Variants in BORCS5 observed in about 807,000 individuals in gnomAD.
BORCS5 encodes the protein BLOC-1-related complex subunit 5.
BORCS5 carries 17 observed loss-of-function variants against 22.1 expected under a neutral mutation model. That is an observed-to-expected ratio of 0.77 (90% CI 0.53 to 1.15). BORCS5 has a LOEUF of 1.15. BORCS5 is among the 50% of genes most tolerant of loss of function. BORCS5 has a pLI of 0.00. For missense variants in BORCS5, 247 were observed against 253.2 expected (o/e 0.98, Z 0.17); for synonymous variants, 117 against 99.8 (o/e 1.17, Z -1.03).
chr12:12,401,507 A>T (rs1337116936), intron 2 of BORCS5, among the ~76,000 whole-genome samples: 1 of 152,066 alleles, frequency 6.6e-6, no homozygotes, highest in Non-Finnish European at 1.5e-5. Flanking sequence ...TGCCATATTT[A>T]TTTTTTTAAT....
intron 2 of BORCS5, among the ~76,000 whole-genome samples, chr12:12,431,400 A>ATTTTTTTTTT (rs371924998): frequency 9.1e-6 from 1 of 109,778 alleles, no homozygotes; most frequent in African/African-American, 3.6e-5. Flanking sequence ...TCTTTTGCTA[A>ATTTTTTTTTT]TTCTTTTTTT....
intron 2 of BORCS5, among the ~76,000 whole-genome samples, chr12:12,386,765 C>T (rs1311149179): frequency 3.3e-5 from 5 of 151,412 alleles, no homozygotes; most frequent in South Asian, 2.1e-4. Context: ...CCACCGTGCC[C>T]GGCCTTTGCT....
At chr12:12,436,876 C>T (rs902786986) in intron 3 of BORCS5, among the ~76,000 whole-genome samples, 18 of 152,090 alleles carry the variant, frequency 1.2e-4, no homozygotes, top group Non-Finnish European at 5.9e-5. Flanking sequence ...TTAAACATGA[C>T]CTTTGATATT....
At chr12:12,369,548 C>G (rs1013546165) in intron 2 of BORCS5, among the ~76,000 whole-genome samples, 2 of 151,668 alleles carry the variant, frequency 1.3e-5, no homozygotes, top group African/African-American at 4.8e-5. Context: ...AGTTTCTTTT[C>G]TGGCTCTTTA....
chr12:12,437,256 C>G (rs1942574548), intron 3 of BORCS5, among the ~76,000 whole-genome samples: 1 of 152,176 alleles, frequency 6.6e-6, no homozygotes, highest in African/African-American at 2.4e-5. Context: ...GGGGAGTTCC[C>G]CTACACAAGC....
intron 2 of BORCS5, among the ~76,000 whole-genome samples, chr12:12,424,075 C>T (rs1055762310): frequency 5.9e-5 from 9 of 152,040 alleles, no homozygotes; most frequent in African/African-American, 2.2e-4. Context: ...TGTTTGTATT[C>T]ATCTCTTTCA....
chr12:12,434,192 A>C (rs892259581), intron 2 of BORCS5, among the ~76,000 whole-genome samples: 1 of 149,658 alleles, frequency 6.7e-6, no homozygotes, highest in Non-Finnish European at 1.5e-5. Flanking sequence ...CTGAGGTAGG[A>C]AGATTGCTTG....
intron 3 of BORCS5, among the ~76,000 whole-genome samples, chr12:12,461,848 C>T (rs1278580649): frequency 6.6e-6 from 1 of 152,098 alleles, no homozygotes. Flanking sequence ...CACGGCAAGG[C>T]GAGGGTTTTG....
chr12:12,426,030 A>G (rs574221714), intron 2 of BORCS5, among the ~76,000 whole-genome samples: 2 of 152,224 alleles, frequency 1.3e-5, no homozygotes, highest in South Asian at 2.1e-4. Context: ...ACACTTACAG[A>G]TGAAGGATTT....
chr12:12,387,414 A>G (rs1565854741), intron 2 of BORCS5, among the ~76,000 whole-genome samples: 1 of 151,572 alleles, frequency 6.6e-6, no homozygotes, highest in Non-Finnish European at 1.5e-5. Flanking sequence ...ATTTCATAAT[A>G]TCCTCTTCAA....
At chr12:12,361,398 T>C (rs1014533484) in intron 2 of BORCS5, 49 bp downstream of exon 2, 1 of 1,596,192 alleles carries the variant, frequency 6.3e-7, no homozygotes, top group African/African-American at 1.3e-5. Flanking sequence ...GACGTTTGTG[T>C]AGCCCTACTA....
intron 2 of BORCS5, among the ~76,000 whole-genome samples, chr12:12,434,183 T>G (rs2136123238): frequency 6.7e-6 from 1 of 148,228 alleles, no homozygotes; most frequent in South Asian, 2.1e-4. Flanking sequence ...CTCTGGAGGC[T>G]GAGGTAGGAA....
At chr12:12,376,910 T>G (rs1457041467) in intron 2 of BORCS5, among the ~76,000 whole-genome samples, 1 of 152,198 alleles carries the variant, frequency 6.6e-6, no homozygotes, top group East Asian at 1.9e-4. Context: ...AGGCTTCCTC[T>G]GTAGCACCTG....
chr12:12,410,004 GT>G (rs1195423020), intron 2 of BORCS5, among the ~76,000 whole-genome samples: 1 of 152,128 alleles, frequency 6.6e-6, no homozygotes, highest in Non-Finnish European at 1.5e-5. Flanking sequence ...TTTTTCATGT[GT>G]TTTTTGGCTG....
At chr12:12,380,984 T>A (rs1465007993) in intron 2 of BORCS5, among the ~76,000 whole-genome samples, 1 of 150,652 alleles carries the variant, frequency 6.6e-6, no homozygotes, top group African/African-American at 2.4e-5. Context: ...TCTCCCAGAC[T>A]GTGACTTTCT....
At chr12:12,385,583 C>T (rs1181598678) in intron 2 of BORCS5, among the ~76,000 whole-genome samples, 2 of 150,538 alleles carry the variant, frequency 1.3e-5, no homozygotes, top group Non-Finnish European at 3.0e-5. Flanking sequence ...AATCTCGGCT[C>T]ACTGCAACCT....
At chr12:12,448,689 T>A (rs1942839930) in intron 3 of BORCS5, among the ~76,000 whole-genome samples, 1 of 152,012 alleles carries the variant, frequency 6.6e-6, no homozygotes. Flanking sequence ...CCATCATGCC[T>A]GGCTAATTTT....
chr12:12,389,552 A>G (rs1394148432), intron 2 of BORCS5, among the ~76,000 whole-genome samples: 3 of 142,424 alleles, frequency 2.1e-5, no homozygotes, highest in African/African-American at 5.1e-5. Flanking sequence ...TGGTTGCTCC[A>G]TCCTGCCTAC....
At chr12:12,383,077 G>A (rs1464396784) in intron 2 of BORCS5, among the ~76,000 whole-genome samples, 1 of 150,974 alleles carries the variant, frequency 6.6e-6, no homozygotes, top group African/African-American at 2.4e-5. Context: ...CTCCTTGACT[G>A]CCTCCTTTTA....
Sources: allele counts gnomAD v4.1 joint callset (sites outside exome capture counted in the v4.1 genomes callset), GRCh38; gene constraint gnomAD v4.1.1; transcripts MANE v1.5; gene names NCBI Gene and HGNC (gene_info 2026-07-23, HGNC 2026-07-21).